HYDIN: variants seen among roughly 807,000 people sequenced by gnomAD.
HYDIN encodes HYDIN axonemal central pair apparatus protein.
In HYDIN, 132 loss-of-function variants were observed where a neutral mutation model predicts 403.9. The observed-to-expected ratio is 0.33, with a 90% CI of 0.28 to 0.38. The LOEUF (loss-of-function observed/expected upper bound fraction) is 0.38, where lower values mean the gene tolerates loss of function less well. Among genes scored for constraint, HYDIN ranks in the 10% least tolerant of loss-of-function variants. HYDIN has a pLI of 1.00. For missense variants in HYDIN, 2,827 were observed against 5,009.5 expected, an observed-to-expected ratio of 0.56 and a Z score of 13.15; for synonymous variants, 1,202 against 1,891.7, an observed-to-expected ratio of 0.64 and a Z score of 9.46.
At chr16:70,834,911 C>CATATATACACACATATATGT (rs1237219616) in intron 78 of HYDIN, among the ~76,000 whole-genome samples, 51 of 143,356 alleles carry the variant, frequency 3.6e-4, no homozygotes, top group African/African-American at 1.0e-3. Context: ...TACACACACA[C>CATATATACACACATATATGT]ATATATACAC....
rs1408873029 is a variant in HYDIN at position 70,920,797 on chromosome 16, C to T, written c.7579G>A (p.Glu2527Lys). 1 of 1,560,896 alleles carries T rather than the reference C, an allele frequency of 6.4e-7. No homozygotes were observed. The highest frequency in any genetic ancestry group is 1.4e-5 in the African/African-American group (1 of 73,450). ...CGCTCCCGCTCCGCCTTCTCCCTCT[C>T]CAGGCGCTCCTTCTCCGTGCGCTCC... ...EKERTEKERL[E>K]REKAERERLE... Residue 2527 changes from glutamate to lysine, a missense_variant, in exon 46 of 86, where the codon GAG becomes AAG. Physicochemically the swap from Glu to Lys is moderately conservative, Grantham distance 56 (BLOSUM62 1). Coordinates refer to ENST00000393567, the MANE Select transcript of HYDIN (RefSeq NM_001270974.2).
chr16:71,117,990 A>G (rs142573625), intron 9 of HYDIN, among the ~76,000 whole-genome samples: 13 of 152,088 alleles, frequency 8.5e-5, no homozygotes, highest in Admixed American at 8.5e-4. Context: ...CTGTTTTTAT[A>G]GAGTAAGAAT....
In HYDIN at chr16:70,805,054, T is replaced by C. The variant is rs1176377227; in HGVS notation, c.*2526A>G. 5.3e-5 allele frequency among the ~76,000 whole-genome samples: 8 copies of C among 152,220 alleles called. No homozygotes were observed. Among genetic ancestry groups the C allele is most frequent in the African/African-American group, 1.9e-4 (8 of 41,456 alleles). ...CCATTATTGAAAAAGTACACCCTTT[T>C]GAAGAGTAGGGTGAGGGACCAATTG... On this transcript the variant is annotated 3_prime_UTR_variant, in exon 86 of 86. Transcript: ENST00000393567.
At chr16:70,847,307 A>C (rs1466545508) in intron 75 of HYDIN, among the ~76,000 whole-genome samples, 1 of 152,272 alleles carries the variant, frequency 6.6e-6, no homozygotes, top group Non-Finnish European at 1.5e-5. Context: ...GTTGTCTTTT[A>C]AATCAGATAG....
At chr16:71,054,001 C>T (rs1043243690) in intron 18 of HYDIN, among the ~76,000 whole-genome samples, 4 of 152,188 alleles carry the variant, frequency 2.6e-5, no homozygotes, top group Non-Finnish European at 4.4e-5. Context: ...TATCATGCAA[C>T]CTTGGCCAGT....
In HYDIN at chr16:70,908,357, C is replaced by G; in HGVS notation, c.8291G>C (p.Gly2764Ala). Residue 2764 changes from glycine (G) to alanine (A), a missense_variant, in exon 49 of 86, where the codon GGG becomes GCG. By Grantham distance (60) the Gly-to-Ala change is moderately conservative. Coordinates refer to ENST00000393567, the MANE Select transcript of HYDIN (RefSeq NM_001270974.2). ...AAAGTTAAAGGTTTGGTCAAAGTTC[C>G]CGAACTCATCAGAAGAGAAGTGCAC... ...LQVHFSSDEF[G>A]NFDQTFNFEI... 1 of 1,333,714 alleles carries G rather than the reference C, an allele frequency of 7.5e-7. No individual in the cohort carries two copies. Among genetic ancestry groups the G allele is most frequent in the Non-Finnish European group, 1.1e-6 (1 of 949,236 alleles). The allele number at this position is 1,333,714 out of a possible 1,614,324, so 82.6% of individuals were successfully genotyped here. A position where few individuals can be genotyped will look rare whatever the true frequency, so the allele number is the denominator to read the frequency against.
intron 75 of HYDIN, among the ~76,000 whole-genome samples, chr16:70,848,954 G>A (rs1460655067): frequency 1.3e-5 from 2 of 149,942 alleles, no homozygotes; most frequent in Non-Finnish European, 1.5e-5. Flanking sequence ...CCCTCAGTCA[G>A]CTGCAGTGTT....
intron 15 of HYDIN, chr16:71,067,004 A>G: frequency 1.5e-6 from 1 of 663,128 alleles, no homozygotes; most frequent in Non-Finnish European, 2.7e-6. Context: ...CTGGTTACAT[A>G]CTTTGAAAGT....
Position 71,069,485 on chromosome 16 carries a change from T to C in HYDIN, c.1756A>G (p.Ile586Val). ...AAAGAGGTATTATTGAGGGAACATA[T>C]CAAGGTATGAGGAAACCCTGGAAAA... ...DVSFGFPHTLICSLNNTSLIP... is the reference protein window; with the variant it reads ...DVSFGFPHTLVCSLNNTSLIP... The change falls in exon 14 of 86, where the codon ATA (isoleucine) becomes GTA (valine). Residue 586 changes from isoleucine to valine, a missense_variant. Physicochemically the swap from Ile to Val is conservative, Grantham distance 29 (BLOSUM62 3). Coordinates refer to ENST00000393567, the MANE Select transcript of HYDIN (RefSeq NM_001270974.2). 6.2e-7 allele frequency: 1 copy of C among 1,613,494 alleles called. No homozygotes were observed. Among genetic ancestry groups the C allele is most frequent in the Non-Finnish European group, 8.5e-7 (1 of 1,179,640 alleles).
chr16:71,011,201 G>A (rs1269230064), intron 23 of HYDIN, among the ~76,000 whole-genome samples: 1 of 151,978 alleles, frequency 6.6e-6, no homozygotes, highest in Non-Finnish European at 1.5e-5. Flanking sequence ...ACCAATTTGG[G>A]AGTGCTTGGC....
At chr16:70,895,723 T>C (rs2143733195) in intron 54 of HYDIN, among the ~76,000 whole-genome samples, 1 of 151,842 alleles carries the variant, frequency 6.6e-6, no homozygotes, top group Admixed American at 6.6e-5. Context: ...AGGAGAGGTG[T>C]TTACTGTAAA....
At chr16:70,957,627 T>C (rs1215634126) in intron 39 of HYDIN, among the ~76,000 whole-genome samples, 4 of 150,886 alleles carry the variant, frequency 2.7e-5, no homozygotes, top group African/African-American at 7.3e-5. Flanking sequence ...ACCCTGTCCA[T>C]TTCCTTCCTT....
chr16:71,172,800 T>C (rs1859089), intron 5 of HYDIN, among the ~76,000 whole-genome samples: 1,591 of 152,300 alleles, frequency 0.01, 27 homozygotes, highest in African/African-American at 0.036. Context: ...ATGGAGAGTG[T>C]TCACATCAGC....
At chr16:71,097,648 G>T (rs1464243065) in intron 10 of HYDIN, among the ~76,000 whole-genome samples, 1 of 143,244 alleles carries the variant, frequency 7.0e-6, no homozygotes, top group Non-Finnish European at 1.5e-5. Context: ...AGTATTTACG[G>T]GTTCTTTCTC....
At chr16:70,939,658 G>T in intron 43 of HYDIN, among the ~76,000 whole-genome samples, 1 of 152,006 alleles carries the variant, frequency 6.6e-6, no homozygotes, top group Non-Finnish European at 1.5e-5. Flanking sequence ...GGCAGGGAAA[G>T]ATGTTAGGAC....
intron 39 of HYDIN, among the ~76,000 whole-genome samples, chr16:70,959,062 C>G (rs959600041): frequency 1.8e-4 from 27 of 147,228 alleles, no homozygotes; most frequent in Admixed American, 4.7e-4. Flanking sequence ...TTTTTTTTTT[C>G]CCAATGTAGG....
chr16:70,995,851 T>C (rs897294889), intron 23 of HYDIN, among the ~76,000 whole-genome samples: 6 of 152,040 alleles, frequency 3.9e-5, no homozygotes, highest in African/African-American at 1.2e-4. Context: ...AAGAAGGGCC[T>C]GCATATGCTG....
At chr16:71,190,925 T>C (rs1370379666) in intron 1 of HYDIN, among the ~76,000 whole-genome samples, 1 of 151,990 alleles carries the variant, frequency 6.6e-6, no homozygotes, top group African/African-American at 2.4e-5. Context: ...AAAAATGTTA[T>C]AGGAAAATGA....
At chr16:71,019,220 T>A (rs1458734488) in intron 22 of HYDIN, among the ~76,000 whole-genome samples, 2 of 152,240 alleles carry the variant, frequency 1.3e-5, no homozygotes, top group Non-Finnish European at 2.9e-5. Context: ...CATTGCTCAA[T>A]TCCCACATTT....
Sources: allele counts gnomAD v4.1 joint callset (sites outside exome capture counted in the v4.1 genomes callset), GRCh38; gene constraint gnomAD v4.1.1; transcripts MANE v1.5; gene names NCBI Gene and HGNC (gene_info 2026-07-23, HGNC 2026-07-21).